TMEM135: variants seen among roughly 807,000 people sequenced by gnomAD.
TMEM135 encodes the protein transmembrane protein 135.
TMEM135 carries 30 observed loss-of-function variants against 60.3 expected under a neutral mutation model. That is an observed-to-expected ratio of 0.50 (90% CI 0.37 to 0.68). The LOEUF (loss-of-function observed/expected upper bound fraction) is 0.68, where lower values mean the gene tolerates loss of function less well. Ranked by LOEUF, TMEM135 falls within the 30% of genes least tolerant of loss-of-function variation. The pLI, the probability that TMEM135 is intolerant of heterozygous loss-of-function variation, is 0.00. For missense variants in TMEM135, 468 were observed against 548.8 expected, an observed-to-expected ratio of 0.85 and a Z score of 1.47; for synonymous variants, 190 against 186.7, an observed-to-expected ratio of 1.02 and a Z score of -0.14.
chr11:87,318,686 A>G (rs1590869126), intron 13 of TMEM135, among the ~76,000 whole-genome samples: 1 of 152,090 alleles, frequency 6.6e-6, no homozygotes, highest in Non-Finnish European at 1.5e-5. Flanking sequence ...TTCTGTAACC[A>G]TTATTATTGA....
intron 5 of TMEM135, 71 bp downstream of exon 5, chr11:87,157,477 A>G: frequency 7.9e-7 from 1 of 1,258,754 alleles, no homozygotes. Flanking sequence ...ATAAAATGTG[A>G]TGAAATCTAT....
At chr11:87,097,141 C>A (rs914742116) in intron 4 of TMEM135, among the ~76,000 whole-genome samples, 1 of 152,028 alleles carries the variant, frequency 6.6e-6, no homozygotes, top group Non-Finnish European at 1.5e-5. Flanking sequence ...GGATTACAGG[C>A]GCACACTGCC....
rs938021207 is a variant in TMEM135 at position 87,323,709 on chromosome 11, A to G, written c.*2376A>G. ...TTTCGTTGCTATTTTCTGTTTTAAT[A>G]AAATCCTAGAACTAGTAGCAACCGA... On this transcript the variant is annotated 3_prime_UTR_variant, in exon 15 of 15. Coordinates refer to ENST00000305494, the MANE Select transcript of TMEM135 (RefSeq NM_022918.4). 1.3e-5 allele frequency: 6 copies of G among 453,134 alleles called. No homozygotes were observed. The highest frequency in any genetic ancestry group is 2.2e-5 in the Non-Finnish European group (5 of 226,574). 28.1% of individuals were successfully genotyped at this position (453,134 alleles called of 1,614,324 possible).
intron 6 of TMEM135, chr11:87,277,285 C>A (rs1204024681): frequency 2.6e-6 from 1 of 385,494 alleles, no homozygotes; most frequent in Admixed American, 3.0e-5. Flanking sequence ...ATTTGTGCCA[C>A]CATGCCTGGC....
At chr11:87,097,713 A>C (rs927804800) in intron 4 of TMEM135, among the ~76,000 whole-genome samples, 2 of 152,122 alleles carry the variant, frequency 1.3e-5, no homozygotes, top group Non-Finnish European at 2.9e-5. Context: ...TGAGCATGAC[A>C]AGCATGCTTT....
intron 4 of TMEM135, among the ~76,000 whole-genome samples, chr11:87,111,180 CTTAA>C (rs1427314128): frequency 6.6e-6 from 1 of 152,108 alleles, no homozygotes; most frequent in African/African-American, 2.4e-5. Context: ...CTCTACTTTC[CTTAA>C]TTAATCCTAG....
intron 7 of TMEM135, among the ~76,000 whole-genome samples, chr11:87,298,626 A>C (rs1942388902): frequency 6.6e-6 from 1 of 151,474 alleles, no homozygotes; most frequent in South Asian, 2.1e-4. Context: ...GTCTCTATTA[A>C]AAATACAAAA....
intron 4 of TMEM135, among the ~76,000 whole-genome samples, chr11:87,151,140 T>A (rs796371185): frequency 3.9e-5 from 6 of 152,248 alleles, no homozygotes; most frequent in African/African-American, 1.4e-4. Flanking sequence ...AAAAAATCAC[T>A]GTGCTGAGTA....
chr11:87,123,339 G>A (rs117742209), intron 4 of TMEM135, among the ~76,000 whole-genome samples: 1 of 152,090 alleles, frequency 6.6e-6, no homozygotes, highest in African/African-American at 2.4e-5. Context: ...GGAATCCTTG[G>A]TGTTCCTTGG....
At chr11:87,110,130 A>G (rs1017155369) in intron 4 of TMEM135, among the ~76,000 whole-genome samples, 3 of 152,132 alleles carry the variant, frequency 2.0e-5, no homozygotes, top group African/African-American at 4.8e-5. Context: ...GTAGAGGTAT[A>G]GCTGGTTGTG....
At chr11:87,162,905 T>A (rs1045891713) in intron 5 of TMEM135, among the ~76,000 whole-genome samples, 2 of 152,194 alleles carry the variant, frequency 1.3e-5, no homozygotes, top group Non-Finnish European at 2.9e-5. Context: ...TTTTTAATGA[T>A]CGCCATTCTA....
chr11:87,054,258 A>G (rs1044935792), intron 1 of TMEM135, among the ~76,000 whole-genome samples: 1 of 152,086 alleles, frequency 6.6e-6, no homozygotes, highest in African/African-American at 2.4e-5. Flanking sequence ...AACATGGTGA[A>G]ACCCCATCTT....
chr11:87,122,400 A>T (rs1171330565), intron 4 of TMEM135, among the ~76,000 whole-genome samples: 1 of 144,382 alleles, frequency 6.9e-6, no homozygotes, highest in African/African-American at 2.6e-5. Context: ...AATCATAAAA[A>T]TCTCCAGAGT....
At chr11:87,222,347 A>AT (rs1168641421) in intron 5 of TMEM135, among the ~76,000 whole-genome samples, 2 of 146,794 alleles carry the variant, frequency 1.4e-5, no homozygotes, top group Non-Finnish European at 3.0e-5. Context: ...ATGCAAAAAA[A>AT]ATTCGCTGGG....
chr11:87,257,513 G>T lies in TMEM135; in HGVS notation c.509+20829G>T, dbSNP rs117954536. 3.7e-3 allele frequency among the ~76,000 whole-genome samples: 560 copies of T among 152,114 alleles called. 4 individuals are homozygous for T. The highest frequency in any genetic ancestry group is 6.1e-3 in the Non-Finnish European group (418 of 67,986). On this transcript the variant is annotated intron_variant, in intron 6 of 14. Transcript: ENST00000305494. ...AGCCTCTTTGTGCCTCACATTTCTC[G>T]TCTTCAGTGGGGATAATAATAGTAC... is the stretch of plus-strand genomic sequence containing the variant.
intron 5 of TMEM135, among the ~76,000 whole-genome samples, chr11:87,171,433 G>C (rs1301938725): frequency 2.0e-5 from 3 of 151,550 alleles, no homozygotes; most frequent in African/African-American, 7.3e-5. Flanking sequence ...TTAGTATTCT[G>C]TCTCCCAACT....
In TMEM135 at chr11:87,054,292, G is replaced by A. The variant is rs553019925; in HGVS notation, c.142-13402G>A. ...TTCACTAAAAATACAAAAATTAGCTGGGCATGGTGGCGTGTGCCTGTAATC... is the reference window on the plus strand; with the variant it reads ...TTCACTAAAAATACAAAAATTAGCTAGGCATGGTGGCGTGTGCCTGTAATC... On this transcript the variant is annotated intron_variant, in intron 1 of 14. Coordinates refer to ENST00000305494, the MANE Select transcript of TMEM135 (RefSeq NM_022918.4). 5.3e-5 allele frequency among the ~76,000 whole-genome samples: 8 copies of A among 152,192 alleles called. No homozygotes were observed. In the South Asian group the frequency reaches 1.7e-3, roughly 32 times the overall value.
intron 4 of TMEM135, among the ~76,000 whole-genome samples, chr11:87,120,104 TTTCTTC>T (rs1248214972): frequency 1.1e-5 from 1 of 87,300 alleles, no homozygotes; most frequent in South Asian, 3.4e-4. Context: ...AGTCTGTTTT[TTTCTTC>T]TTCTTCTTTT....
chr11:87,125,706 T>G (rs1159371308), intron 4 of TMEM135, among the ~76,000 whole-genome samples: 1 of 152,212 alleles, frequency 6.6e-6, no homozygotes, highest in African/African-American at 2.4e-5. Flanking sequence ...TGATAGGATT[T>G]GCATTTTTAA....
Sources: gnomAD v4.1 joint callset for allele counts (sites outside exome capture counted in the v4.1 genomes callset) on GRCh38, gnomAD v4.1.1 for gene constraint, MANE v1.5 for transcripts, NCBI Gene and HGNC (gene_info 2026-07-23, HGNC 2026-07-21) for gene names.